Variants in SH3GL2 observed in about 807,000 individuals in gnomAD.
SH3GL2 encodes the protein endophilin-A1.
In SH3GL2, 24 loss-of-function variants were observed where a neutral mutation model predicts 46.0. The observed-to-expected ratio is 0.52, with a 90% CI of 0.38 to 0.73. The LOEUF (loss-of-function observed/expected upper bound fraction) is 0.73. Ranked by LOEUF, SH3GL2 falls within the 30% of genes least tolerant of loss-of-function variation. The pLI is 0.00. For missense variants in SH3GL2, 413 were observed against 424.2 expected, an observed-to-expected ratio of 0.97 and a Z score of 0.23; for synonymous variants, 196 against 147.1, an observed-to-expected ratio of 1.33 and a Z score of -2.40.
At position 17,738,641 on chromosome 9, in the gene SH3GL2, T is replaced by TATAGAG. The variant is rs376280314; in HGVS notation, c.46-8424_46-8423insTAGAGA. ...TCATGTGATTTTATATATATATATATAGAGAGAGAGAGAGAGAGAGAGAGA... is the reference window on the plus strand; with the variant it reads ...TCATGTGATTTTATATATATATATATATAGAGAGAGAGAGAGAGAGAGAGAGAGAGA... On this transcript the variant is annotated intron_variant, in intron 1 of 8. Coordinates refer to ENST00000380607, the MANE Select transcript of SH3GL2 (RefSeq NM_003026.5). Among the ~76,000 whole-genome samples the TATAGAG allele has an allele frequency of 1.5e-3, 137 of 88,866 alleles. 2 individuals carry two copies. Among genetic ancestry groups the TATAGAG allele is most frequent in the African/African-American group, 4.1e-3 (110 of 26,844 alleles). The allele number at this position is 88,866 out of a possible 152,430, so 58.3% of individuals were successfully genotyped here.
At chr9:17,709,332 A>G (rs1375558198) in intron 1 of SH3GL2, among the ~76,000 whole-genome samples, 6 of 152,070 alleles carry the variant, frequency 3.9e-5, no homozygotes, top group Admixed American at 3.9e-4. Flanking sequence ...GCCTTTAATC[A>G]AGAAATCCTA....
At chr9:17,592,352 C>T (rs779955813) in intron 1 of SH3GL2, among the ~76,000 whole-genome samples, 1 of 152,200 alleles carries the variant, frequency 6.6e-6, no homozygotes, top group African/African-American at 2.4e-5. Flanking sequence ...CAGACACACA[C>T]AGAAATATTT....
intron 2 of SH3GL2, among the ~76,000 whole-genome samples, chr9:17,749,463 G>A (rs2131134293): frequency 6.6e-6 from 1 of 152,176 alleles, no homozygotes; most frequent in South Asian, 2.1e-4. Context: ...CCTCACCCCT[G>A]GAGAGCATTT....
chr9:17,628,416 GTGTGTGTGTGT>G (rs1819337947), intron 1 of SH3GL2, among the ~76,000 whole-genome samples: 3 of 27,258 alleles, frequency 1.1e-4, no homozygotes, highest in African/African-American at 1.9e-4. Flanking sequence ...TCTTGGGTGT[GTGTGTGTGTGT>G]GTGTGTGTGT....
At chr9:17,736,413 T>C (rs1822336644) in intron 1 of SH3GL2, among the ~76,000 whole-genome samples, 1 of 152,122 alleles carries the variant, frequency 6.6e-6, no homozygotes, top group South Asian at 2.1e-4. Flanking sequence ...TTTTTCTGTC[T>C]GGGGTGTCTT....
chr9:17,755,627 CTA>C (rs1209922342), intron 2 of SH3GL2: 1 of 175,630 alleles, frequency 5.7e-6, no homozygotes, highest in Non-Finnish European at 1.1e-5. Context: ...TTAATGATCA[CTA>C]AACTCACAAA....
intron 1 of SH3GL2, among the ~76,000 whole-genome samples, chr9:17,601,674 A>G (rs1469930249): frequency 6.6e-6 from 1 of 152,228 alleles, no homozygotes; most frequent in Non-Finnish European, 1.5e-5. Flanking sequence ...AGAGGAAGCC[A>G]GTGAGTGGTT....
intron 6 of SH3GL2, chr9:17,790,242 G>A (rs1200009097): frequency 3.2e-5 from 5 of 157,994 alleles, no homozygotes; most frequent in Non-Finnish European, 6.8e-5. Context: ...CATAGGGAAG[G>A]GCAGCTCTTC....
intron 3 of SH3GL2, among the ~76,000 whole-genome samples, chr9:17,766,658 A>G (rs1281346740): frequency 1.3e-5 from 2 of 152,184 alleles, no homozygotes; most frequent in African/African-American, 2.4e-5. Flanking sequence ...ACTATTAAAA[A>G]TTATTGAGAT....
intron 1 of SH3GL2, among the ~76,000 whole-genome samples, chr9:17,726,657 G>C (rs2118380865): frequency 6.6e-6 from 1 of 152,230 alleles, no homozygotes; most frequent in African/African-American, 2.4e-5. Flanking sequence ...ATAGATGTGT[G>C]ATATGCCTAG....
chr9:17,794,797 G>T (rs1186789109), intron 8 of SH3GL2, among the ~76,000 whole-genome samples: 1 of 152,128 alleles, frequency 6.6e-6, no homozygotes, highest in Admixed American at 6.5e-5. Flanking sequence ...TAGCTCCAGT[G>T]CACTGCATAT....
At position 17,697,183 on chromosome 9, in the gene SH3GL2, G is replaced by A. The variant is rs147108915; in HGVS notation, c.46-49883G>A. 1.3e-3 allele frequency among the ~76,000 whole-genome samples: 193 copies of A among 152,076 alleles called. 3 individuals carry two copies. Among genetic ancestry groups the A allele is most frequent in the African/African-American group, 4.0e-3 (167 of 41,494 alleles). The stretch of plus-strand genomic sequence containing the variant: ...TAGTCTGCTTTCTTCAGAATTAGTA[G>A]CTGGCTTTGCACCTTCAACTTGAGC... On this transcript the variant is annotated intron_variant, in intron 1 of 8. Coordinates refer to ENST00000380607, the MANE Select transcript of SH3GL2 (RefSeq NM_003026.5).
intron 1 of SH3GL2, among the ~76,000 whole-genome samples, chr9:17,708,783 G>T (rs1398927917): frequency 1.3e-5 from 2 of 151,838 alleles, no homozygotes; most frequent in Non-Finnish European, 2.9e-5. Context: ...AAGAAATTAG[G>T]CTATGCAAAT....
intron 1 of SH3GL2, among the ~76,000 whole-genome samples, chr9:17,703,619 G>A (rs138806129): frequency 2.6e-4 from 40 of 152,082 alleles, no homozygotes; most frequent in African/African-American, 8.0e-4. Flanking sequence ...TCAAGTAGTC[G>A]TTATCCCTGG....
chr9:17,772,541 G>T (rs1052838953), intron 3 of SH3GL2, among the ~76,000 whole-genome samples: 4 of 152,014 alleles, frequency 2.6e-5, no homozygotes, highest in Non-Finnish European at 5.9e-5. Context: ...TCTACTTTCT[G>T]GCTCTATGAT....
At chr9:17,714,439 T>G (rs1192609669) in intron 1 of SH3GL2, among the ~76,000 whole-genome samples, 4 of 151,794 alleles carry the variant, frequency 2.6e-5, no homozygotes, top group African/African-American at 9.7e-5. Flanking sequence ...TTTATTCATT[T>G]CCTTTGTTTT....
chr9:17,614,734 T>C (rs1818946831), intron 1 of SH3GL2, among the ~76,000 whole-genome samples: 3 of 152,176 alleles, frequency 2.0e-5, no homozygotes, highest in Non-Finnish European at 4.4e-5. Flanking sequence ...TTCCTAAAGT[T>C]CTACAGCTGA....
At chr9:17,601,180 G>C (rs567113544) in intron 1 of SH3GL2, among the ~76,000 whole-genome samples, 22 of 152,148 alleles carry the variant, frequency 1.4e-4, no homozygotes, top group Non-Finnish European at 2.6e-4. Flanking sequence ...CCTGCACATG[G>C]TCATTTCTTT....
chr9:17,624,892 G>C (rs1819244675), intron 1 of SH3GL2, among the ~76,000 whole-genome samples: 1 of 152,194 alleles, frequency 6.6e-6, no homozygotes, highest in African/African-American at 2.4e-5. Flanking sequence ...TTTCTTGGTA[G>C]ATGTTGGGTC....
Sources: allele counts gnomAD v4.1 joint callset (sites outside exome capture counted in the v4.1 genomes callset), GRCh38; gene constraint gnomAD v4.1.1; transcripts MANE v1.5; gene names NCBI Gene and HGNC (gene_info 2026-07-23, HGNC 2026-07-21).